Variants in ICE1 observed in about 807,000 individuals in gnomAD.
The protein encoded by ICE1 is little elongation complex subunit 1.
A neutral mutation model predicts 192.7 loss-of-function variants in ICE1; 64 were observed. That is an observed-to-expected ratio of 0.33 (90% CI 0.27 to 0.41). ICE1 has a LOEUF of 0.41. Among genes scored for constraint, ICE1 ranks in the 10% least tolerant of loss-of-function variants. The probability of loss-of-function intolerance (pLI) is 1.00; values close to 1 mark genes in which losing one functional copy is unlikely to be tolerated. For synonymous variants in ICE1, 1,010 were observed against 984.5 expected (o/e 1.03, Z -0.49); for missense variants, 2,708 against 2,696.0 (o/e 1.00, Z -0.10).
intron 16 of ICE1, among the ~76,000 whole-genome samples, chr5:5,474,209 CA>C (rs199608820): frequency 1.9e-3 from 233 of 120,490 alleles, no homozygotes; most frequent in Middle Eastern, 4.5e-3. Context: ...GACTTCATCT[CA>C]AAAAAAAAAA....
In ICE1 at chr5:5,462,955, C is replaced by T; in HGVS notation, c.3621C>T (p.Asn1207=). Residue 1207 remains asparagine (N), a synonymous_variant, in exon 13 of 19, where the codon AAC becomes AAT. Transcript: ENST00000296564. ...SSKGTLSKEM[N]KELKASEIGE... Reference sequence around the variant, plus strand: ...AAGGAACCCTAAGTAAAGAAATGAACAAAGAATTAAAGGCAAGTGAAATAG... The same window carrying T: ...AAGGAACCCTAAGTAAAGAAATGAATAAAGAATTAAAGGCAAGTGAAATAG... The T allele has an allele frequency of 6.2e-7, 1 of 1,612,458 alleles. No homozygotes were observed. Among genetic ancestry groups the T allele is most frequent in the Admixed American group, 1.7e-5 (1 of 59,864 alleles).
chr5:5,483,198 G>A (rs1242360099), intron 17 of ICE1, among the ~76,000 whole-genome samples: 1 of 151,946 alleles, frequency 6.6e-6, no homozygotes, highest in African/African-American at 2.4e-5. Context: ...GTTTCTCCAT[G>A]TTGGTCAGGC....
chr5:5,451,576 G>C (rs1336073399), intron 10 of ICE1, among the ~76,000 whole-genome samples: 1 of 152,106 alleles, frequency 6.6e-6, no homozygotes, highest in Non-Finnish European at 1.5e-5. Flanking sequence ...TTCATATTCA[G>C]ATGTGAAAAT....
intron 8 of ICE1, 73 bp from the exon 9 acceptor site, chr5:5,447,648 C>G (rs1738273834): frequency 1.4e-6 from 2 of 1,438,716 alleles, no homozygotes; most frequent in African/African-American, 1.4e-5. Context: ...TAAGTTGCAC[C>G]TGTTTTACAT....
At chr5:5,447,369 C>A in intron 7 of ICE1, 58 bp from the exon 8 acceptor site, 3 of 1,008,302 alleles carry the variant, frequency 3.0e-6, no homozygotes, top group South Asian at 3.2e-5. Context: ...TTTCATTAAC[C>A]ACAGTAGTAA....
chr5:5,461,317 T>C lies in ICE1; in HGVS notation c.1983T>C (p.Thr661=). The part of the protein sequence containing the change: ...LDCGNDTDIT[T]KVFSTEPHHS... ...GTGGTAATGATACAGATATTACTAC[T>C]AAAGTATTCTCTACTGAACCGCATC... Residue 661 remains threonine (T), a synonymous_variant, in exon 13 of 19, where the codon ACT becomes ACC. Coordinates refer to ENST00000296564, the MANE Select transcript of ICE1 (RefSeq NM_015325.3). The C allele has an allele frequency of 6.2e-7, 1 of 1,613,862 alleles. No individual in the cohort carries two copies. The highest frequency in any genetic ancestry group is 1.1e-5 in the South Asian group (1 of 91,078).
chr5:5,445,716 A>AT (rs1738197903), intron 7 of ICE1, among the ~76,000 whole-genome samples: 1 of 149,864 alleles, frequency 6.7e-6, no homozygotes. Flanking sequence ...ACCCAGCCAC[A>AT]TTTTTTATTT....
At position 5,466,348 on chromosome 5, in the gene ICE1, C is replaced by G. The variant is rs1738984360; in HGVS notation, c.5907C>G (p.Cys1969Trp). 1 of 1,605,532 alleles carries G rather than the reference C, an allele frequency of 6.2e-7. No individual in the cohort carries two copies. The highest frequency in any genetic ancestry group is 8.5e-7 in the Non-Finnish European group (1 of 1,177,028). Residue 1969 changes from cysteine to tryptophan, a missense_variant, in exon 14 of 19, where the codon TGC becomes TGG. Physicochemically the swap from Cys to Trp is radical, Grantham distance 215 (BLOSUM62 -2). Around this residue, in one of 2 missense-constraint regions of ICE1, gnomAD observed 342 missense variants for 419.3 expected, o/e 0.82. Coordinates refer to ENST00000296564, the MANE Select transcript of ICE1 (RefSeq NM_015325.3). ...TTTCAATCCAGCATTTAGCAGAGTG[C>G]TTGCTTCACTCTATTCTCTCAGAAC... Reference protein sequence around the residue: ...FSTTKKHLAECLLHSILSELK... With the variant: ...FSTTKKHLAEWLLHSILSELK...
intron 15 of ICE1, among the ~76,000 whole-genome samples, chr5:5,471,403 C>T (rs1429508921): frequency 6.6e-6 from 1 of 151,890 alleles, no homozygotes; most frequent in Admixed American, 6.6e-5. Context: ...TTTAAAGAAC[C>T]AAGTAACTAT....
rs1415917661 is a variant in ICE1, at chr5:5,463,761, C to G, written c.4427C>G (p.Thr1476Ser). 1.2e-6 allele frequency: 2 copies of G among 1,613,982 alleles called. No individual in the cohort carries two copies. The highest frequency in any genetic ancestry group is 1.6e-4 in the Middle Eastern group (1 of 6,062). ...SAEKSPEASH[T>S]GPAFQEAPCG... is the part of the protein sequence containing the mutation. ...GAGAAGTCCCCAGAGGCCAGTCACACTGGCCCTGCATTTCAGGAGGCTCCA... is the reference window on the plus strand; with the variant it reads ...GAGAAGTCCCCAGAGGCCAGTCACAGTGGCCCTGCATTTCAGGAGGCTCCA... Residue 1476 changes from threonine to serine, a missense_variant, in exon 13 of 19, where the codon ACT becomes AGT. Physicochemically the swap from Thr to Ser is moderately conservative, Grantham distance 58 (BLOSUM62 1). Transcript: ENST00000296564.
At chr5:5,481,832 G>A (rs1287217810) in intron 17 of ICE1, among the ~76,000 whole-genome samples, 3 of 152,120 alleles carry the variant, frequency 2.0e-5, no homozygotes, top group Non-Finnish European at 4.4e-5. Context: ...TTCGGTACAG[G>A]AACATGCTGT....
At position 5,461,436 on chromosome 5, in the gene ICE1, A is replaced by G; in HGVS notation, c.2102A>G (p.Asn701Ser). Residue 701 changes from asparagine (N) to serine (S), a missense_variant, in exon 13 of 19, where the codon AAT becomes AGT. Coordinates refer to ENST00000296564, the MANE Select transcript of ICE1 (RefSeq NM_015325.3). ...TCTATAGGAGGAAACAACTTGGAGA[A>G]TAGCTTGTGTGCCTTGAGCCCTGAA... ...ECSIGGNNLE[N>S]SLCALSPELG... The G allele has an allele frequency of 3.7e-6, 6 of 1,614,050 alleles. No homozygotes were observed. The highest frequency in any genetic ancestry group is 1.7e-5 in the Admixed American group (1 of 60,030).
At chr5:5,431,142 G>T (rs547678391) in intron 1 of ICE1, among the ~76,000 whole-genome samples, 3 of 152,124 alleles carry the variant, frequency 2.0e-5, no homozygotes, top group African/African-American at 4.8e-5. Flanking sequence ...TTTCTTCGGG[G>T]TCTCTGCCTA....
chr5:5,447,117 G>A (rs572331724), intron 7 of ICE1, among the ~76,000 whole-genome samples: 1 of 152,246 alleles, frequency 6.6e-6, no homozygotes, highest in African/African-American at 2.4e-5. Context: ...TGATTGAAAT[G>A]GGACGGCAAC....
At chr5:5,472,680 T>C (rs1009115196) in intron 15 of ICE1, among the ~76,000 whole-genome samples, 1 of 152,204 alleles carries the variant, frequency 6.6e-6, no homozygotes, top group Non-Finnish European at 1.5e-5. Context: ...ATGGCCAAGC[T>C]ACAGGTTCAC....
chr5:5,430,395 A>G (rs1737668748), intron 1 of ICE1, among the ~76,000 whole-genome samples: 1 of 152,256 alleles, frequency 6.6e-6, no homozygotes, highest in Admixed American at 6.5e-5. Flanking sequence ...GGCCTTGGGA[A>G]ATAATGTTAG....
Position 5,462,192 on chromosome 5 carries a change from C to T in ICE1, c.2858C>T (p.Thr953Ile), listed in dbSNP as rs745463977. 1.2e-6 allele frequency: 2 copies of T among 1,611,724 alleles called. No homozygotes were observed. The highest frequency in any genetic ancestry group is 1.1e-5 in the South Asian group (1 of 90,820). The change falls in exon 13 of 19, where the codon ACA (threonine) becomes ATA (isoleucine). Residue 953 changes from threonine to isoleucine, a missense_variant. Physicochemically the swap from Thr to Ile is moderately conservative, Grantham distance 89. Around this residue, in one of 2 missense-constraint regions of ICE1, gnomAD observed 2,366 missense variants for 2,276.6 expected, o/e 1.04. Coordinates refer to ENST00000296564, the MANE Select transcript of ICE1 (RefSeq NM_015325.3). ...CCAGTAGAAAATTCTGATTGTTCCACAAATAGCAGATTATCTTTCTCTCCT... is the reference window on the plus strand; with the variant it reads ...CCAGTAGAAAATTCTGATTGTTCCATAAATAGCAGATTATCTTTCTCTCCT... ...SSPVENSDCSTNSRLSFSPEN... is the reference protein window; with the variant it reads ...SSPVENSDCSINSRLSFSPEN...
chr5:5,488,964 TTTC>T (rs1436282649), intron 18 of ICE1, among the ~76,000 whole-genome samples, 182 bp from the exon 19 acceptor site: 7 of 152,192 alleles, frequency 4.6e-5, no homozygotes, highest in Non-Finnish European at 1.0e-4. Flanking sequence ...CTGTCTGGCT[TTTC>T]TTCTTTTTTA....
At chr5:5,437,592 C>T (rs1321735480) in intron 3 of ICE1, 1 of 155,090 alleles carries the variant, frequency 6.4e-6, no homozygotes, top group East Asian at 1.9e-4. Context: ...AATAGCGTTG[C>T]TGTATATTCA....
Sources: allele counts gnomAD v4.1 joint callset (sites outside exome capture counted in the v4.1 genomes callset), GRCh38; gene constraint gnomAD v4.1.1; regional missense constraint gnomAD v4.1.1; transcripts MANE v1.5; gene names NCBI Gene and HGNC (gene_info 2026-07-23, HGNC 2026-07-21).